ALCAM: variants seen among roughly 807,000 people sequenced by gnomAD.
ALCAM encodes activated leukocyte cell adhesion molecule, also known as CD166 antigen.
A neutral mutation model predicts 70.9 loss-of-function variants in ALCAM; 30 were observed. The ratio of observed to expected loss-of-function variants is 0.42; its 90% CI spans 0.32 to 0.57. The LOEUF (loss-of-function observed/expected upper bound fraction) is 0.57, where lower values mean the gene tolerates loss of function less well. Ranked by LOEUF, ALCAM falls within the 20% of genes least tolerant of loss-of-function variation. ALCAM has a pLI of 0.11. For missense variants in ALCAM, 591 were observed against 695.1 expected, an observed-to-expected ratio of 0.85 and a Z score of 1.68; for synonymous variants, 249 against 242.5, an observed-to-expected ratio of 1.03 and a Z score of -0.25.
chr3:105,431,318 A>G (rs1037434541), intron 1 of ALCAM, among the ~76,000 whole-genome samples: 1 of 152,074 alleles, frequency 6.6e-6, no homozygotes, highest in Non-Finnish European at 1.5e-5. Flanking sequence ...GGGCTCACTC[A>G]TATGTGTATA....
intron 1 of ALCAM, among the ~76,000 whole-genome samples, chr3:105,482,008 AC>A (rs1184165942): frequency 6.7e-6 from 1 of 149,112 alleles, no homozygotes; most frequent in East Asian, 1.9e-4. Flanking sequence ...GTAGCCGTAG[AC>A]TAATTAACCC....
chr3:105,497,822 G>A (rs1464298990), intron 1 of ALCAM, among the ~76,000 whole-genome samples: 2 of 152,044 alleles, frequency 1.3e-5, no homozygotes, highest in Admixed American at 6.6e-5. Context: ...ACGAGGTCGG[G>A]AGATCGAGAC....
chr3:105,563,044 G>T lies in ALCAM; in HGVS notation c.1665-8808G>T, dbSNP rs369742555. ...TTGTCTCAAACTTCCAACCTCAGGT[G>T]ATCCGCCCTCCTTGGCCTCCTAAAG... On this transcript the variant is annotated intron_variant, in intron 14 of 15. Coordinates refer to ENST00000306107, the MANE Select transcript of ALCAM (RefSeq NM_001627.4). 3.3e-5 allele frequency among the ~76,000 whole-genome samples: 5 copies of T among 152,184 alleles called. No homozygotes were observed. The East Asian group carries it at 9.7e-4, about 29-fold the overall frequency.
intron 1 of ALCAM, among the ~76,000 whole-genome samples, chr3:105,468,672 T>G (rs1038113200): frequency 2.0e-5 from 3 of 151,208 alleles, no homozygotes; most frequent in Admixed American, 6.6e-5. Flanking sequence ...CTACCAAGGC[T>G]GCGCAGGTCC....
At chr3:105,533,769 C>A in intron 5 of ALCAM, 79 bp downstream of exon 5, 2 of 1,337,338 alleles carry the variant, frequency 1.5e-6, no homozygotes, top group Non-Finnish European at 1.1e-6. Context: ...ATTCTTTAAA[C>A]CAGTGGTCTC....
chr3:105,544,054 T>A (rs898265917), intron 8 of ALCAM, among the ~76,000 whole-genome samples: 1 of 151,600 alleles, frequency 6.6e-6, no homozygotes, highest in African/African-American at 2.4e-5. Flanking sequence ...AGTCAACAAG[T>A]TGCAATTATG....
At chr3:105,380,402 G>A (rs1935490195) in intron 1 of ALCAM, among the ~76,000 whole-genome samples, 1 of 151,680 alleles carries the variant, frequency 6.6e-6, no homozygotes, top group African/African-American at 2.4e-5. Flanking sequence ...TCTACATAAG[G>A]GAGTTATCCA....
intron 1 of ALCAM, among the ~76,000 whole-genome samples, chr3:105,512,106 G>T (rs1014765509): frequency 6.6e-6 from 1 of 151,984 alleles, no homozygotes; most frequent in African/African-American, 2.4e-5. Context: ...GCATTTTGAG[G>T]GATATTAAAG....
chr3:105,535,890 C>CT (rs1286127870), intron 6 of ALCAM, among the ~76,000 whole-genome samples: 1 of 151,958 alleles, frequency 6.6e-6, no homozygotes, highest in Non-Finnish European at 1.5e-5. Context: ...ACCTACATTT[C>CT]TTTTTTTGGT....
At chr3:105,521,403 G>C (rs1444113257) in intron 2 of ALCAM, among the ~76,000 whole-genome samples, 1 of 149,748 alleles carries the variant, frequency 6.7e-6, no homozygotes, top group Non-Finnish European at 1.5e-5. Flanking sequence ...GTCATAGTTT[G>C]ATTCATTGCT....
At chr3:105,423,877 A>T (rs1936729348) in intron 1 of ALCAM, among the ~76,000 whole-genome samples, 1 of 151,682 alleles carries the variant, frequency 6.6e-6, no homozygotes, top group Non-Finnish European at 1.5e-5. Flanking sequence ...ACTTAGATTC[A>T]TGATGACTAT....
intron 9 of ALCAM, 24 bp from the exon 10 acceptor site, chr3:105,547,125 G>A (rs1576234833): frequency 4.0e-6 from 6 of 1,516,020 alleles, no homozygotes; most frequent in Non-Finnish European, 5.3e-6. Context: ...GCCACATGAG[G>A]TAATTTACTT....
intron 1 of ALCAM, among the ~76,000 whole-genome samples, chr3:105,469,212 A>G (rs560923117): frequency 1.3e-5 from 2 of 151,462 alleles, no homozygotes; most frequent in East Asian, 1.9e-4. Context: ...AAGGCAATCA[A>G]TTCAATACTT....
At chr3:105,498,049 G>GA (rs1285213305) in intron 1 of ALCAM, among the ~76,000 whole-genome samples, 1 of 151,700 alleles carries the variant, frequency 6.6e-6, no homozygotes, top group Non-Finnish European at 1.5e-5. Flanking sequence ...AAAAAAAGGG[G>GA]GGAAATTGGA....
intron 8 of ALCAM, 107 bp downstream of exon 8, chr3:105,541,872 G>T: frequency 7.4e-7 from 1 of 1,346,900 alleles, no homozygotes. Context: ...TAAATAACTT[G>T]GTTGCAATAG....
intron 1 of ALCAM, among the ~76,000 whole-genome samples, chr3:105,428,945 C>A (rs1173247570): frequency 6.6e-6 from 1 of 151,736 alleles, no homozygotes; most frequent in Non-Finnish European, 1.5e-5. Flanking sequence ...TCATATTGGG[C>A]ACAAAAGAAA....
At chr3:105,556,843 T>C (rs1319552840) in intron 14 of ALCAM, among the ~76,000 whole-genome samples, 2 of 152,084 alleles carry the variant, frequency 1.3e-5, no homozygotes, top group Non-Finnish European at 2.9e-5. Flanking sequence ...GGAGGACCAC[T>C]TAAAGCACAT....
intron 1 of ALCAM, among the ~76,000 whole-genome samples, chr3:105,500,588 C>G (rs1338219886): frequency 3.3e-5 from 5 of 152,114 alleles, no homozygotes; most frequent in African/African-American, 1.2e-4. Flanking sequence ...GCCAAACTTA[C>G]AAAAATTCAG....
chr3:105,509,381 C>G (rs1338011409), intron 1 of ALCAM, among the ~76,000 whole-genome samples: 1 of 151,874 alleles, frequency 6.6e-6, no homozygotes, highest in African/African-American at 2.4e-5. Context: ...CTTGGTATCT[C>G]TTGTTTTTTC....
Sources: gnomAD v4.1 joint callset for allele counts (sites outside exome capture counted in the v4.1 genomes callset) on GRCh38, gnomAD v4.1.1 for gene constraint, MANE v1.5 for transcripts, NCBI Gene and HGNC (gene_info 2026-07-23, HGNC 2026-07-21) for gene names.